IMMP2L: variants seen among roughly 807,000 people sequenced by gnomAD.
IMMP2L encodes mitochondrial inner membrane protease subunit 2.
Under a neutral mutation model 19.3 loss-of-function variants are expected in IMMP2L, and 18 were observed. The ratio of observed to expected loss-of-function variants is 0.93; its 90% CI spans 0.64 to 1.38. IMMP2L has a LOEUF of 1.38. Among genes scored for constraint, IMMP2L ranks in the 40% most tolerant of loss-of-function variants. The pLI is 0.00. For missense variants in IMMP2L, 233 were observed against 218.2 expected, an observed-to-expected ratio of 1.07 and a Z score of -0.43; for synonymous variants, 76 against 73.0, an observed-to-expected ratio of 1.04 and a Z score of -0.21.
At chr7:110,861,254 T>A (rs537733789) in intron 5 of IMMP2L, among the ~76,000 whole-genome samples, 2 of 151,986 alleles carry the variant, frequency 1.3e-5, no homozygotes, top group Non-Finnish European at 2.9e-5. Context: ...ATTTTTCCAT[T>A]AATATAATGC....
intron 2 of IMMP2L, among the ~76,000 whole-genome samples, chr7:111,504,669 A>T (rs904771023): frequency 6.6e-6 from 1 of 152,208 alleles, no homozygotes; most frequent in African/African-American, 2.4e-5. Context: ...ATAATGCCGC[A>T]TATCTACAAC....
chr7:111,441,330 C>T (rs1837693218), intron 3 of IMMP2L, among the ~76,000 whole-genome samples: 1 of 151,888 alleles, frequency 6.6e-6, no homozygotes, highest in Admixed American at 6.5e-5. Flanking sequence ...AGACATGCAA[C>T]TCTTCCTTTT....
intron 3 of IMMP2L, among the ~76,000 whole-genome samples, chr7:111,384,164 G>GAGGAGAAAGGAGGAGAAGGAGA (rs1831482927): frequency 1.3e-5 from 2 of 151,600 alleles, no homozygotes; most frequent in East Asian, 1.9e-4. Flanking sequence ...GAAGAAGAAG[G>GAGGAGAAAGGAGGAGAAGGAGA]AGGAGAAAGG....
intron 5 of IMMP2L, among the ~76,000 whole-genome samples, chr7:110,859,816 C>A (rs1415291482): frequency 6.6e-6 from 1 of 151,060 alleles, no homozygotes; most frequent in Non-Finnish European, 1.5e-5. Context: ...AAATCTGTGT[C>A]TTTTGTCAGG....
At chr7:111,303,455 T>C (rs1444690611) in intron 3 of IMMP2L, among the ~76,000 whole-genome samples, 2 of 152,122 alleles carry the variant, frequency 1.3e-5, no homozygotes, top group African/African-American at 2.4e-5. Context: ...ATCTTGATTA[T>C]TTATTTCTGC....
chr7:110,740,544 T>A (rs1466115239), intron 5 of IMMP2L, among the ~76,000 whole-genome samples: 1 of 151,842 alleles, frequency 6.6e-6, no homozygotes, highest in South Asian at 2.1e-4. Context: ...AACAGACCAA[T>A]AATAAGCAGT....
intron 3 of IMMP2L, among the ~76,000 whole-genome samples, chr7:111,184,437 T>C (rs187481163): frequency 6.6e-6 from 1 of 152,212 alleles, no homozygotes; most frequent in East Asian, 1.9e-4. Flanking sequence ...GTGACAATTA[T>C]ATTCAATTTC....
In IMMP2L at chr7:111,228,824, G is replaced by A. The variant is rs573812635; in HGVS notation, c.239+258414C>T. On this transcript the variant is annotated intron_variant, in intron 3 of 5. Transcript: ENST00000405709. The stretch of plus-strand genomic sequence containing the variant: ...ACAAAGGGTCCCCACCATCTTAGGT[G>A]AAAGGTATTTTACAATGTTATAAAA... Among the ~76,000 whole-genome samples the A allele has an allele frequency of 2.0e-5, 3 of 151,970 alleles. No homozygotes were observed. In the South Asian group the frequency reaches 6.2e-4, roughly 32 times the overall value.
chr7:111,337,303 T>A (rs905317315), intron 3 of IMMP2L, among the ~76,000 whole-genome samples: 1 of 152,156 alleles, frequency 6.6e-6, no homozygotes, highest in Non-Finnish European at 1.5e-5. Flanking sequence ...TTAAAGTTAT[T>A]TGAAGATATA....
intron 3 of IMMP2L, among the ~76,000 whole-genome samples, chr7:111,184,634 C>G (rs1285533138): frequency 6.6e-6 from 1 of 151,986 alleles, no homozygotes; most frequent in African/African-American, 2.4e-5. Context: ...TCAAAAAACA[C>G]TGTGGAAAGG....
intron 3 of IMMP2L, among the ~76,000 whole-genome samples, chr7:111,018,205 A>C (rs577527637): frequency 6.6e-6 from 1 of 152,302 alleles, no homozygotes; most frequent in African/African-American, 2.4e-5. Flanking sequence ...TAGCAAGACA[A>C]GTTTCAGTGA....
chr7:111,163,453 G>C (rs1805483657), intron 3 of IMMP2L, among the ~76,000 whole-genome samples: 1 of 152,052 alleles, frequency 6.6e-6, no homozygotes, highest in African/African-American at 2.4e-5. Flanking sequence ...GCTTTAACTA[G>C]TGTCTAGCTT....
chr7:110,988,369 G>T (rs562906664), intron 3 of IMMP2L, among the ~76,000 whole-genome samples: 10 of 152,292 alleles, frequency 6.6e-5, no homozygotes, highest in African/African-American at 2.4e-4. Flanking sequence ...AGATAGTAGA[G>T]GTTCAAGCAT....
chr7:110,875,822 T>C (rs985902461), intron 5 of IMMP2L, among the ~76,000 whole-genome samples: 1 of 152,152 alleles, frequency 6.6e-6, no homozygotes, highest in Non-Finnish European at 1.5e-5. Context: ...TAATGACTAT[T>C]ATTTTTATGA....
At chr7:111,332,287 A>C (rs1825956733) in intron 3 of IMMP2L, among the ~76,000 whole-genome samples, 1 of 151,942 alleles carries the variant, frequency 6.6e-6, no homozygotes, top group African/African-American at 2.4e-5. Flanking sequence ...AAGCCAAGCA[A>C]ATATAATATA....
At chr7:110,763,340 G>A (rs983189407) in intron 5 of IMMP2L, among the ~76,000 whole-genome samples, 19 of 152,042 alleles carry the variant, frequency 1.2e-4, no homozygotes, top group South Asian at 4.1e-4. Flanking sequence ...CACACTTTCC[G>A]GCATATACTG....
intron 3 of IMMP2L, among the ~76,000 whole-genome samples, chr7:111,361,070 C>CAT (rs1175849410): frequency 2.0e-5 from 3 of 151,732 alleles, no homozygotes; most frequent in African/African-American, 7.3e-5. Flanking sequence ...TTTAATGAAC[C>CAT]ATAAATAAAC....
At chr7:111,150,488 A>C (rs554263085) in intron 3 of IMMP2L, among the ~76,000 whole-genome samples, 2 of 152,220 alleles carry the variant, frequency 1.3e-5, no homozygotes, top group African/African-American at 4.8e-5. Context: ...CAAACCTCCA[A>C]CTGAGTCCCT....
chr7:110,826,790 A>G (rs2131364349), intron 5 of IMMP2L, among the ~76,000 whole-genome samples: 1 of 152,216 alleles, frequency 6.6e-6, no homozygotes, highest in Non-Finnish European at 1.5e-5. Context: ...TACATATGTA[A>G]CAAACCTGCA....
Sources: allele counts gnomAD v4.1 joint callset (sites outside exome capture counted in the v4.1 genomes callset), GRCh38; gene constraint gnomAD v4.1.1; transcripts MANE v1.5; gene names NCBI Gene and HGNC (gene_info 2026-07-23, HGNC 2026-07-21).